SMAGP: variants seen among roughly 807,000 people sequenced by gnomAD.
SMAGP encodes small cell adhesion glycoprotein.
In SMAGP, 7 loss-of-function variants were observed where a neutral mutation model predicts 10.1. The observed-to-expected ratio is 0.70, with a 90% confidence interval of 0.40 to 1.31. The LOEUF is 1.31. SMAGP is among the 50% of genes most tolerant of loss of function. SMAGP has a pLI of 0.01. For missense variants in SMAGP, 113 were observed against 116.5 expected, an observed-to-expected ratio of 0.97 and a Z score of 0.14; for synonymous variants, 49 against 47.2, an observed-to-expected ratio of 1.04 and a Z score of -0.16.
At chr12:51,248,555 G>A (rs542401991) in intron 2 of SMAGP, among the ~76,000 whole-genome samples, 3 of 151,878 alleles carry the variant, frequency 2.0e-5, no homozygotes, top group Non-Finnish European at 4.4e-5. Flanking sequence ...TCACACCGCA[G>A]GAGCGGGCCT....
At chr12:51,265,421 G>A in intron 2 of SMAGP, among the ~76,000 whole-genome samples, 1 of 152,164 alleles carries the variant, frequency 6.6e-6, no homozygotes, top group East Asian at 1.9e-4. Context: ...GTACACCCAT[G>A]TTTATGGCAG....
At chr12:51,253,487 G>C (rs1944858964) in intron 2 of SMAGP, 1 of 150,880 alleles carries the variant, frequency 6.6e-6, no homozygotes, top group Admixed American at 6.6e-5. Context: ...GTTCATAGGA[G>C]CATTATGCAA....
intron 2 of SMAGP, among the ~76,000 whole-genome samples, chr12:51,254,442 G>A (rs1944869306): frequency 6.6e-6 from 1 of 152,094 alleles, no homozygotes; most frequent in South Asian, 2.1e-4. Flanking sequence ...AGCTACTCAG[G>A]AGGCTGAGGC....
chr12:51,270,187 G>A (rs1432502053), intron 1 of SMAGP, 69 bp downstream of exon 1: 1 of 152,402 alleles, frequency 6.6e-6, no homozygotes, highest in Non-Finnish European at 1.5e-5. Flanking sequence ...TTCCTGCCAC[G>A]GCCGAGGTGG....
chr12:51,270,354 A>C lies in SMAGP; in HGVS notation c.-137T>G. 1 of 186,558 alleles carries C rather than the reference A, an allele frequency of 5.4e-6. No homozygotes were observed. The highest frequency in any genetic ancestry group is 1.1e-5 in the Non-Finnish European group (1 of 91,030). 11.6% of individuals were successfully genotyped at this position (186,558 alleles called of 1,614,324 possible). On this transcript the variant is annotated 5_prime_UTR_variant, in exon 1 of 4. Transcript: ENST00000603798. Reference sequence around the variant, plus strand: ...GCACCGCGGAGTCGCGGAGGCCAGCAGAGGCCGAACGAGGACCCCGAGCGG... The same window carrying C: ...GCACCGCGGAGTCGCGGAGGCCAGCCGAGGCCGAACGAGGACCCCGAGCGG...
intron 2 of SMAGP, among the ~76,000 whole-genome samples, chr12:51,253,903 C>T (rs1396149479): frequency 6.6e-6 from 1 of 151,786 alleles, no homozygotes; most frequent in African/African-American, 2.4e-5. Context: ...GAGACTCTGT[C>T]TCAAACAAAA....
chr12:51,249,093 A>C (rs1944812244), intron 2 of SMAGP, among the ~76,000 whole-genome samples: 1 of 151,840 alleles, frequency 6.6e-6, no homozygotes, highest in African/African-American at 2.4e-5. Context: ...ACAAAAACAA[A>C]AACAAAACCC....
intron 2 of SMAGP, among the ~76,000 whole-genome samples, chr12:51,263,970 A>G (rs1428965923): frequency 6.6e-6 from 1 of 152,022 alleles, no homozygotes; most frequent in Non-Finnish European, 1.5e-5. Context: ...TCTTCCTTAC[A>G]CTGATGCAGT....
At chr12:51,254,876 G>T (rs373089588) in intron 2 of SMAGP, among the ~76,000 whole-genome samples, 1 of 152,204 alleles carries the variant, frequency 6.6e-6, no homozygotes. Context: ...CAGTATGGAG[G>T]CCCCTGAGTG....
intron 2 of SMAGP, among the ~76,000 whole-genome samples, chr12:51,263,269 G>A (rs182627688): frequency 6.6e-6 from 1 of 151,880 alleles, no homozygotes; most frequent in African/African-American, 2.4e-5. Context: ...TATAGTCCCA[G>A]CTACTCGGGA....
chr12:51,245,608 C>A lies in SMAGP; in HGVS notation c.*333G>T. 4.0e-6 allele frequency: 1 copy of A among 249,832 alleles called. No homozygotes were observed. Among genetic ancestry groups the A allele is most frequent in the East Asian group, 8.3e-5 (1 of 12,066 alleles). The allele number at this position is 249,832 out of a possible 1,614,324, so 15.5% of individuals were successfully genotyped here. A position where few individuals can be genotyped will look rare whatever the true frequency, so the allele number is the denominator to read the frequency against. On this transcript the variant is annotated 3_prime_UTR_variant, in exon 4 of 4. Transcript: ENST00000603798. Reference sequence around the variant, plus strand: ...GGGACAGAGTAGAGCAGCCAATGACCTTAACTCAAAATCTTTTCTCTCCCT... The same window carrying A: ...GGGACAGAGTAGAGCAGCCAATGACATTAACTCAAAATCTTTTCTCTCCCT...
intron 2 of SMAGP, among the ~76,000 whole-genome samples, chr12:51,253,129 G>A (rs796928622): frequency 4.6e-5 from 7 of 152,222 alleles, no homozygotes; most frequent in African/African-American, 1.7e-4. Context: ...CGGCCTGTTT[G>A]GGGGGCTTTG....
At chr12:51,261,010 C>T (rs1056520829) in intron 2 of SMAGP, among the ~76,000 whole-genome samples, 6 of 151,218 alleles carry the variant, frequency 4.0e-5, no homozygotes, top group South Asian at 2.1e-4. Flanking sequence ...AGGCTGGTCT[C>T]GAACTCCTGA....
intron 2 of SMAGP, among the ~76,000 whole-genome samples, chr12:51,260,879 G>T (rs2137306864): frequency 6.7e-6 from 1 of 150,236 alleles, no homozygotes; most frequent in East Asian, 2.0e-4. Flanking sequence ...GTAGAGACGG[G>T]GTTTCACCAT....
intron 3 of SMAGP, 111 bp downstream of exon 3, chr12:51,246,638 GTA>G: frequency 4.8e-6 from 3 of 629,506 alleles, no homozygotes. Context: ...GTGTGTGTGT[GTA>G]ATATAACTTA....
At chr12:51,261,785 G>GA (rs1202181566) in intron 2 of SMAGP, among the ~76,000 whole-genome samples, 5 of 152,048 alleles carry the variant, frequency 3.3e-5, no homozygotes, top group African/African-American at 1.2e-4. Flanking sequence ...ATCTGGAGAG[G>GA]AATGATGAAA....
intron 1 of SMAGP, 196 bp from the exon 2 acceptor site, chr12:51,269,512 C>T (rs1363367700): frequency 7.2e-6 from 4 of 555,620 alleles, no homozygotes; most frequent in African/African-American, 3.8e-5. Context: ...GGTCTGAGGC[C>T]GCATGCAGTT....
chr12:51,268,431 C>G (rs985348086), intron 2 of SMAGP, among the ~76,000 whole-genome samples: 1 of 152,128 alleles, frequency 6.6e-6, no homozygotes, highest in African/African-American at 2.4e-5. Flanking sequence ...AATGATTTCC[C>G]TGTTATCTTT....
rs1239689695 is a variant in SMAGP, at chr12:51,245,825, G to T, written c.*116C>A. On this transcript the variant is annotated 3_prime_UTR_variant, in exon 4 of 4. Transcript: ENST00000603798. ...TGGGACTGCGACCTGGCTGGAGCTT[G>T]GATTTGCCCACATCAATCAATGCTT... 2 of 1,209,896 alleles carry T rather than the reference G, an allele frequency of 1.7e-6. No individual in the cohort carries two copies. The highest frequency in any genetic ancestry group is 2.3e-6 in the Non-Finnish European group (2 of 875,468). 74.9% of individuals were successfully genotyped at this position (1,209,896 alleles called of 1,614,324 possible).
Sources: allele counts gnomAD v4.1 joint callset (sites outside exome capture counted in the v4.1 genomes callset), GRCh38; gene constraint gnomAD v4.1.1; transcripts MANE v1.5; gene names NCBI Gene and HGNC (gene_info 2026-07-23, HGNC 2026-07-21).